SHC2: variants seen among roughly 807,000 people sequenced by gnomAD.
SHC2 encodes SHC-transforming protein 2.
A neutral mutation model predicts 60.6 loss-of-function variants in SHC2; 62 were observed. That is an observed-to-expected ratio of 1.02 (90% CI 0.83 to 1.26). The LOEUF (loss-of-function observed/expected upper bound fraction) is 1.26, where lower values mean the gene tolerates loss of function less well. SHC2 is among the 50% of genes most tolerant of loss of function. The probability of loss-of-function intolerance (pLI) is 0.00; values close to 1 mark genes in which losing one functional copy is unlikely to be tolerated. For missense variants in SHC2, 873 were observed against 822.2 expected, an observed-to-expected ratio of 1.06 and a Z score of -0.76; for synonymous variants, 375 against 372.4, an observed-to-expected ratio of 1.01 and a Z score of -0.08.
chr19:434,715 G>C lies in SHC2; in HGVS notation c.1104C>G (p.Leu368=), dbSNP rs985754560. Residue 368 remains leucine, a synonymous_variant, in exon 8 of 13, where the codon CTC becomes CTG. Transcript: ENST00000264554. ...CCCGAGGGCAGAGGCTGACCTGGTC[G>C]AGGGCCGTGAGGGCGCAGGGCTGTG... is the stretch of plus-strand genomic sequence containing the variant. The part of the protein sequence containing the change: ...ALTQPCALTA[L]DQGPSPSLRD... The C allele has an allele frequency of 1.9e-6, 3 of 1,609,864 alleles. No individual in the cohort carries two copies.
intron 1 of SHC2, among the ~76,000 whole-genome samples, chr19:452,273 T>C (rs529453687): frequency 8.0e-6 from 1 of 125,384 alleles, no homozygotes; most frequent in Admixed American, 7.9e-5. Context: ...TTTCTCCGTT[T>C]CATTGAGGTT....
At position 446,543 on chromosome 19, in the gene SHC2, T is replaced by G. The variant is rs1389585114; in HGVS notation, c.469-5611A>C. Among the ~76,000 whole-genome samples, 1 of 152,116 alleles carries G rather than the reference T, an allele frequency of 6.6e-6. No individual in the cohort carries two copies. The highest frequency in any genetic ancestry group is 1.5e-5 in the Non-Finnish European group (1 of 68,018). On this transcript the variant is annotated intron_variant, in intron 1 of 12. Transcript: ENST00000264554. The surrounding 1 kb of genome is among the most constrained non-coding windows in gnomAD (Gnocchi z 5.4). ...CCTCGCTGGTCTCGATCTCTTGACC[T>G]TGTGATCCGCCTCGGTCTCCCAAAG...
At chr19:427,817 GCGGCACAGGGAAGGGGGAACTGCACA>G (rs762566579) in intron 9 of SHC2, among the ~76,000 whole-genome samples, 210 of 101,342 alleles carry the variant, frequency 2.1e-3, no homozygotes, top group Non-Finnish European at 2.7e-3. Context: ...ACGGAAGGGG[GCGGCACAGGGAAGGGGGAACTGCACA>G]CGGCACAGGG....
At chr19:458,497 A>G (rs79489233) in intron 1 of SHC2, among the ~76,000 whole-genome samples, 19,000 of 45,834 alleles carry the variant, frequency 0.41, 3,684 homozygotes, top group African/African-American at 0.6. Flanking sequence ...ACGGGGAAGC[A>G]GGTTCCGGGG....
At position 430,534 on chromosome 19, in the gene SHC2, A is replaced by C. The variant is rs1280217620; in HGVS notation, c.1174+150T>G. ...AGGAAAAACAGACACTGATGATGAAAATCTCAGCAGAGTGTTAGGAGCAAG... is the reference window on the plus strand; with the variant it reads ...AGGAAAAACAGACACTGATGATGAACATCTCAGCAGAGTGTTAGGAGCAAG... On this transcript the variant is annotated intron_variant, in intron 9 of 12. Coordinates refer to ENST00000264554, the MANE Select transcript of SHC2 (RefSeq NM_012435.3). 6.2e-6 allele frequency: 4 copies of C among 646,978 alleles called. No homozygotes were observed. The African/African-American group carries it at 7.3e-5, about 12-fold the overall frequency. 40.1% of individuals were successfully genotyped at this position (646,978 alleles called of 1,614,324 possible).
At chr19:430,606 A>C in intron 9 of SHC2, 78 bp downstream of exon 9, 2 of 1,130,964 alleles carry the variant, frequency 1.8e-6, no homozygotes, top group African/African-American at 3.1e-5. Flanking sequence ...AGAAAGACTG[A>C]GGGGGAGCCA....
chr19:419,189 C>T (rs1048635552), intron 11 of SHC2, 133 bp from the exon 12 acceptor site: 7 of 1,020,098 alleles, frequency 6.9e-6, no homozygotes, highest in Non-Finnish European at 9.5e-6. Flanking sequence ...CCAGGGAATT[C>T]CGGGACACCA....
At chr19:430,855 G>C in intron 8 of SHC2, 108 bp from the exon 9 acceptor site, 1 of 1,009,908 alleles carries the variant, frequency 9.9e-7, no homozygotes, top group Non-Finnish European at 1.5e-6. Flanking sequence ...AGACTTAGGG[G>C]TGGGGAGCAC....
Position 425,066 on chromosome 19 carries a change from G to A in SHC2, c.1309+31C>T, listed in dbSNP as rs369728727. ...CCCATCAGACAACACGGCCACACGC[G>A]ATGACGGCCGCCCCCCAGGCTGCCA... On this transcript the variant is annotated intron_variant, in intron 10 of 12. Transcript: ENST00000264554. The surrounding 1 kb of genome is among the most constrained non-coding windows in gnomAD (Gnocchi z 4.1). 4.6e-5 allele frequency: 63 copies of A among 1,357,438 alleles called. No individual in the cohort carries two copies. The Middle Eastern group carries it at 7.9e-4, about 17-fold the overall frequency. The allele number at this position is 1,357,438 out of a possible 1,614,324, so 84.1% of individuals were successfully genotyped here.
chr19:460,135 C>T (rs1435291440), intron 1 of SHC2, among the ~76,000 whole-genome samples: 2 of 152,228 alleles, frequency 1.3e-5, no homozygotes, highest in Non-Finnish European at 2.9e-5. Flanking sequence ...CACCCCTTCC[C>T]GCACCCCCAC....
rs754579804 is a variant in SHC2 at position 434,790 on chromosome 19, C to G, written c.1029G>C (p.Pro343=). The change falls in exon 8 of 13, where the codon CCG becomes CCC. Residue 343 remains proline, a synonymous_variant. Transcript: ENST00000264554. ...SLEHNYYNSI[P]GKEPPLGGLV... The stretch of plus-strand genomic sequence containing the variant: ...GCCCGCCCAGCGGCGGCTCCTTCCC[C>G]GGGATGCTGTTGTAGTAATTGTGCT... 16 of 1,612,752 alleles carry G rather than the reference C, an allele frequency of 9.9e-6. No individual in the cohort carries two copies. The highest frequency in any genetic ancestry group is 1.4e-5 in the Non-Finnish European group (16 of 1,179,814).
rs370734628 is a variant in SHC2, at chr19:440,834, C to T, written c.539+28G>A. The T allele has an allele frequency of 9.3e-5, 149 of 1,596,576 alleles. No individual in the cohort carries two copies. Among genetic ancestry groups the T allele is most frequent in the Admixed American group, 1.7e-4 (10 of 60,000 alleles). ...CCCTCCAGTGCGTCACTCAGCCCTA[C>T]GCGGCCAGGGCAGGGTTGGAGGCTC... On this transcript the variant is annotated intron_variant, in intron 2 of 12. Transcript: ENST00000264554. This position sits in a 1 kb window ranked among gnomAD's most constrained non-coding sequence, Gnocchi z 7.0.
At chr19:426,231 C>A (rs1166543580) in intron 9 of SHC2, among the ~76,000 whole-genome samples, 1 of 152,204 alleles carries the variant, frequency 6.6e-6, no homozygotes, top group African/African-American at 2.4e-5. Context: ...GTGACGAGGG[C>A]AGAGGGGCTT....
chr19:435,550 A>G (rs1424059787), intron 7 of SHC2, among the ~76,000 whole-genome samples: 4 of 152,194 alleles, frequency 2.6e-5, no homozygotes, highest in Non-Finnish European at 4.4e-5. Context: ...CCCTCCCACC[A>G]TTGGAGGAAG....
chr19:452,231 T>C (rs923432661), intron 1 of SHC2, among the ~76,000 whole-genome samples: 124 of 139,300 alleles, frequency 8.9e-4, no homozygotes, highest in Middle Eastern at 3.6e-3. Flanking sequence ...GGCATCGTAC[T>C]GACTTGGGGG....
chr19:425,359 G>A lies in SHC2; in HGVS notation c.1175-128C>T. 3.9e-6 allele frequency: 3 copies of A among 769,464 alleles called. No individual in the cohort carries two copies. Among genetic ancestry groups the A allele is most frequent in the African/African-American group, 3.6e-5 (2 of 55,622 alleles). The allele number at this position is 769,464 out of a possible 1,614,324, so 47.7% of individuals were successfully genotyped here. A position where few individuals can be genotyped will look rare whatever the true frequency, so the allele number is the denominator to read the frequency against. Reference sequence around the variant, plus strand: ...TGCTGCTGGCTGCAGGGCGGATGCTGCTCTGGTCTCCCTGTGGTAACCCGC... The same window carrying A: ...TGCTGCTGGCTGCAGGGCGGATGCTACTCTGGTCTCCCTGTGGTAACCCGC... On this transcript the variant is annotated intron_variant, in intron 9 of 12. Coordinates refer to ENST00000264554, the MANE Select transcript of SHC2 (RefSeq NM_012435.3). This position sits in a 1 kb window ranked among gnomAD's most constrained non-coding sequence, Gnocchi z 4.1.
At chr19:451,603 T>C (rs549862077) in intron 1 of SHC2, among the ~76,000 whole-genome samples, 1 of 152,280 alleles carries the variant, frequency 6.6e-6, no homozygotes, top group East Asian at 1.9e-4. Context: ...TTTTGGCATT[T>C]TTTGTTTGTT....
At chr19:449,477 C>A (rs1975126499) in intron 1 of SHC2, among the ~76,000 whole-genome samples, 1 of 152,168 alleles carries the variant, frequency 6.6e-6, no homozygotes, top group South Asian at 2.1e-4. Flanking sequence ...AATGTGATCG[C>A]AGGATTGTAA....
At chr19:439,358 C>A (rs986036650) in intron 2 of SHC2, 1 of 406,240 alleles carries the variant, frequency 2.5e-6, no homozygotes, top group Middle Eastern at 6.7e-4. Flanking sequence ...TCCCAGGGAC[C>A]AGTGTGTCCC....
Sources: gnomAD v4.1 joint callset for allele counts (sites outside exome capture counted in the v4.1 genomes callset) on GRCh38, gnomAD v4.1.1 for gene constraint, Gnocchi (gnomAD v3.1) non-coding constraint, MANE v1.5 for transcripts, NCBI Gene and HGNC (gene_info 2026-07-23, HGNC 2026-07-21) for gene names.